ALDH16A1: variants seen among roughly 807,000 people sequenced by gnomAD.
The protein encoded by ALDH16A1 is aldehyde dehydrogenase family 16 member A1.
ALDH16A1 carries 88 observed loss-of-function variants against 96.1 expected under a neutral mutation model. The observed-to-expected ratio is 0.92, with a 90% CI of 0.77 to 1.09. The LOEUF is 1.09. ALDH16A1 is among the 50% of genes least tolerant of loss of function. The pLI is 0.00. For missense variants in ALDH16A1, 1,250 were observed against 1,112.6 expected (o/e 1.12, Z -1.76); for synonymous variants, 522 against 496.4 (o/e 1.05, Z -0.69).
rs187837313 is a variant in ALDH16A1, at chr19:49,458,740, A to G, written c.193+152A>G. On this transcript the variant is annotated intron_variant, in intron 2 of 16. Coordinates refer to ENST00000293350, the MANE Select transcript of ALDH16A1 (RefSeq NM_153329.4). ...GCGATGTCTGGTTCCTTCTGAAACC[A>G]GTCACCCTAATTATGGTTCCGGGTC... 6.4e-6 allele frequency: 7 copies of G among 1,091,538 alleles called. No individual in the cohort carries two copies. In the Admixed American group the frequency reaches 1.3e-4, roughly 21 times the overall value. The allele number at this position is 1,091,538 out of a possible 1,614,324, so 67.6% of individuals were successfully genotyped here.
chr19:49,459,092 G>T lies in ALDH16A1; in HGVS notation c.320+6G>T. ...CGGGCCCAGCACCTGACCAGGTGAT[G>T]CAGCTGAGGTGTGGACCCCGGGAGG... On this transcript the variant is annotated splice_donor_region_variant and intron_variant, in intron 3 of 16. Transcript: ENST00000293350. The surrounding 1 kb of genome is among the most constrained non-coding windows in gnomAD (Gnocchi z 4.1). The T allele has an allele frequency of 6.2e-7, 1 of 1,611,026 alleles. No individual in the cohort carries two copies.
Position 49,459,591 on chromosome 19 carries a change from C to A in ALDH16A1, c.321-79C>A, listed in dbSNP as rs1452503565. The A allele has an allele frequency of 6.8e-7, 1 of 1,476,442 alleles. No individual in the cohort carries two copies. The highest frequency in any genetic ancestry group is 1.4e-5 in the South Asian group (1 of 71,362). The allele number at this position is 1,476,442 out of a possible 1,614,324, so 91.5% of individuals were successfully genotyped here. On this transcript the variant is annotated intron_variant, in intron 3 of 16. Coordinates refer to ENST00000293350, the MANE Select transcript of ALDH16A1 (RefSeq NM_153329.4). This position sits in a 1 kb window ranked among gnomAD's most constrained non-coding sequence, Gnocchi z 4.1. Reference sequence around the variant, plus strand: ...CTCAGGGGCTCATGGGGATTGTAGTCCAGGTATATAGGAGCAGCCCAGGAC... The same window carrying A: ...CTCAGGGGCTCATGGGGATTGTAGTACAGGTATATAGGAGCAGCCCAGGAC...
rs2079125489 is a variant in ALDH16A1 at position 49,459,576 on chromosome 19, C to T, written c.321-94C>T. The stretch of plus-strand genomic sequence containing the variant: ...AAATGGTGGGGATGCCTCAGGGGCT[C>T]ATGGGGATTGTAGTCCAGGTATATA... On this transcript the variant is annotated intron_variant, in intron 3 of 16. Coordinates refer to ENST00000293350, the MANE Select transcript of ALDH16A1 (RefSeq NM_153329.4). The surrounding 1 kb of genome is among the most constrained non-coding windows in gnomAD (Gnocchi z 4.1). 1 of 1,416,950 alleles carries T rather than the reference C, an allele frequency of 7.1e-7. No individual in the cohort carries two copies. Among genetic ancestry groups the T allele is most frequent in the South Asian group, 1.5e-5 (1 of 68,572 alleles). The allele number at this position is 1,416,950 out of a possible 1,614,324, so 87.8% of individuals were successfully genotyped here. A position where few individuals can be genotyped will look rare whatever the true frequency, so the allele number is the denominator to read the frequency against.
intron 8 of ALDH16A1, among the ~76,000 whole-genome samples, chr19:49,463,195 A>G (rs370612734): frequency 5.3e-3 from 4 of 748 alleles, no homozygotes; most frequent in Admixed American, 0.01. Context: ...GAGGGAGGAG[A>G]GGCTGGGGGT....
At chr19:49,470,282 AC>A in intron 16 of ALDH16A1, 23 bp from the exon 17 acceptor site, 1 of 1,611,752 alleles carries the variant, frequency 6.2e-7, no homozygotes, top group Non-Finnish European at 8.5e-7. Flanking sequence ...AGAAGTGCTT[AC>A]CCCCGTCTCT....
In ALDH16A1 at chr19:49,455,849, G is replaced by A. The variant is rs531054661; in HGVS notation, c.90+2428G>A. On this transcript the variant is annotated intron_variant, in intron 1 of 16. Transcript: ENST00000293350. The stretch of plus-strand genomic sequence containing the variant: ...TCTCAACCGTACAGTCTCTGGGCCA[G>A]ACTCAACCAACAAACATGTTTTCTT... Among the ~76,000 whole-genome samples, 4 of 152,328 alleles carry A rather than the reference G, an allele frequency of 2.6e-5. No homozygotes were observed. In the South Asian group the frequency reaches 8.3e-4, roughly 32 times the overall value.
Position 49,464,227 on chromosome 19 carries a change from G to C in ALDH16A1, c.1295G>C (p.Ser432Thr). 6.2e-7 allele frequency: 1 copy of C among 1,604,536 alleles called. No individual in the cohort carries two copies. The highest frequency in any genetic ancestry group is 8.5e-7 in the Non-Finnish European group (1 of 1,179,422). The change falls in exon 10 of 17, where the codon AGC becomes ACC. Residue 432 changes from serine (S) to threonine (T), a missense_variant. Ser to Thr is a moderately conservative substitution (Grantham distance 58). Coordinates refer to ENST00000293350, the MANE Select transcript of ALDH16A1 (RefSeq NM_153329.4). ...TPRGGSASVWSERLGQALELG... is the reference protein window; with the variant it reads ...TPRGGSASVWTERLGQALELG... ...CGCGGGGGCAGCGCCAGTGTGTGGA[G>C]CGAGAGGCTGGGGCAGGCGCTGGAG...
In ALDH16A1 at chr19:49,464,263, G is replaced by C. The variant is rs778974292; in HGVS notation, c.1331G>C (p.Gly444Ala). 21 of 1,601,484 alleles carry C rather than the reference G, an allele frequency of 1.3e-5. No homozygotes were observed. In the East Asian group the frequency reaches 3.1e-4, roughly 24 times the overall value. Residue 444 changes from glycine to alanine, a missense_variant and splice_region_variant, in exon 10 of 17, where the codon GGG becomes GCG. Transcript: ENST00000293350. ...GGGCAGGCGCTGGAGCTGGGCTATG[G>C]GTCAGTCTGCGTGGCCCGGGCGCTC... ...RLGQALELGYGLQVGTVWINA... is the reference protein window; with the variant it reads ...RLGQALELGYALQVGTVWINA...
rs746326462 is a variant in ALDH16A1 at position 49,458,995 on chromosome 19, G to A, written c.229G>A (p.Glu77Lys). 20 of 1,613,592 alleles carry A rather than the reference G, an allele frequency of 1.2e-5. No homozygotes were observed. The highest frequency in any genetic ancestry group is 6.7e-5 in the East Asian group (3 of 44,892). The part of the protein sequence containing the change: ...NLASCLQAQA[E>K]DVAAAVEAAR... ...GGCCAGTTGCCTGCAGGCACAGGCC[G>A]AGGATGTGGCTGCAGCCGTGGAGGC... Residue 77 changes from glutamate (E) to lysine (K), a missense_variant, in exon 3 of 17, where the codon GAG becomes AAG. Glu to Lys is a moderately conservative substitution (Grantham distance 56). Transcript: ENST00000293350.
At chr19:49,457,505 G>A (rs1328107562) in intron 1 of ALDH16A1, among the ~76,000 whole-genome samples, 2 of 147,602 alleles carry the variant, frequency 1.4e-5, no homozygotes, top group South Asian at 2.2e-4. Context: ...CAGAGATCGC[G>A]CCACTGCACT....
intron 7 of ALDH16A1, 24 bp downstream of exon 7, chr19:49,462,060 C>G (rs1377262735): frequency 6.6e-7 from 1 of 1,522,316 alleles, no homozygotes; most frequent in East Asian, 2.5e-5. Context: ...GCTCCCGTCT[C>G]CTCATACCCT....
Position 49,461,920 on chromosome 19 carries a change from T to A in ALDH16A1, c.796T>A (p.Cys266Ser). 6.4e-7 allele frequency: 1 copy of A among 1,572,858 alleles called. No individual in the cohort carries two copies. ...CCTTCGACGGAGCCTGGCGGGAGAG[T>A]GTGCGGAGCTGGGCCTGGCGCTGGG... The part of the protein sequence containing the change: ...RALRRSLAGE[C>S]AELGLALGTE... The change falls in exon 7 of 17, where the codon TGT becomes AGT. Residue 266 changes from cysteine to serine, a missense_variant. By Grantham distance (112) the Cys-to-Ser change is moderately radical. Transcript: ENST00000293350.
chr19:49,466,626 T>C (rs970308029), intron 14 of ALDH16A1, among the ~76,000 whole-genome samples: 1 of 151,428 alleles, frequency 6.6e-6, no homozygotes, highest in Admixed American at 6.6e-5. Context: ...TTCGCGAGGC[T>C]GAGGCAGGCG....
rs1330468163 is a variant in ALDH16A1 at position 49,462,564 on chromosome 19, TCA to T, written c.913-3_913-2del. 1 of 1,611,962 alleles carries T rather than the reference TCA, an allele frequency of 6.2e-7. No homozygotes were observed. Among genetic ancestry groups the T allele is most frequent in the Non-Finnish European group, 8.5e-7 (1 of 1,179,548 alleles). On this transcript the variant is annotated splice_region_variant and splice_polypyrimidine_tract_variant and intron_variant, in intron 7 of 16. Transcript: ENST00000293350. ...TGTGATCTCCTGATGCCCCTTTTCCTCACAGGGTGGCCTCAGGCTCCTCATCC... is the reference window on the plus strand; with the variant it reads ...TGTGATCTCCTGATGCCCCTTTTCCTCAGGGTGGCCTCAGGCTCCTCATCC...
rs1202053051 is a variant in ALDH16A1 at position 49,453,293 on chromosome 19, G to T, written c.-39G>T. On this transcript the variant is annotated 5_prime_UTR_variant, in exon 1 of 17. Coordinates refer to ENST00000293350, the MANE Select transcript of ALDH16A1 (RefSeq NM_153329.4). ...ACCTCAAGGTTCCCCTTAACACAGAGCGCCCCGCAGTCTTCGCGGAAAGCG... is the reference window on the plus strand; with the variant it reads ...ACCTCAAGGTTCCCCTTAACACAGATCGCCCCGCAGTCTTCGCGGAAAGCG... 6.6e-7 allele frequency: 1 copy of T among 1,517,858 alleles called. No individual in the cohort carries two copies. Among genetic ancestry groups the T allele is most frequent in the Admixed American group, 2.0e-5 (1 of 49,970 alleles). The allele number at this position is 1,517,858 out of a possible 1,614,324, so 94.0% of individuals were successfully genotyped here.
intron 4 of ALDH16A1, among the ~76,000 whole-genome samples, chr19:49,460,422 T>TTTTTG (rs1568649910): frequency 2.0e-5 from 3 of 150,570 alleles, no homozygotes; most frequent in African/African-American, 4.9e-5. Context: ...TTTTGTTTTT[T>TTTTTG]TTTTTTTTGA....
At chr19:49,454,799 A>G (rs2079094969) in intron 1 of ALDH16A1, among the ~76,000 whole-genome samples, 1 of 152,064 alleles carries the variant, frequency 6.6e-6, no homozygotes, top group Admixed American at 6.6e-5. Context: ...CCTGGGCAAC[A>G]TAGTGAAACC....
rs1473642032 is a variant in ALDH16A1, at chr19:49,464,178, C to T, written c.1246C>T (p.Leu416=). The change falls in exon 10 of 17, where the codon CTG becomes TTG. Residue 416 remains leucine (L), a synonymous_variant. Transcript: ENST00000293350. The part of the protein sequence containing the change: ...ASPFRTAKEA[L]LVANGTPRGG... Reference sequence around the variant, plus strand: ...CCCCTTCCGCACAGCCAAGGAGGCACTGTTGGTGGCCAACGGGACGCCCCG... The same window carrying T: ...CCCCTTCCGCACAGCCAAGGAGGCATTGTTGGTGGCCAACGGGACGCCCCG... The T allele has an allele frequency of 1.2e-6, 2 of 1,608,476 alleles. No individual in the cohort carries two copies. Among genetic ancestry groups the T allele is most frequent in the African/African-American group, 2.7e-5 (2 of 74,904 alleles).
chr19:49,458,437 G>A (rs1192931815), intron 1 of ALDH16A1, 49 bp from the exon 2 acceptor site: 2 of 1,473,024 alleles, frequency 1.4e-6, no homozygotes, highest in Admixed American at 3.9e-5. Flanking sequence ...GGGTTGAACT[G>A]CCCCAGCTCC....
Sources: allele counts gnomAD v4.1 joint callset (sites outside exome capture counted in the v4.1 genomes callset), GRCh38; gene constraint gnomAD v4.1.1; non-coding constraint Gnocchi (gnomAD v3.1); transcripts MANE v1.5; gene names NCBI Gene and HGNC (gene_info 2026-07-23, HGNC 2026-07-21).